The following PTPN4 variants were observed in gnomAD, a reference collection of about 807,000 sequenced individuals.
PTPN4 encodes the protein tyrosine-protein phosphatase non-receptor type 4.
A neutral mutation model predicts 135.5 loss-of-function variants in PTPN4; 49 were observed. The ratio of observed to expected loss-of-function variants is 0.36; its 90% CI spans 0.29 to 0.46. PTPN4 has a LOEUF of 0.46. Among genes scored for constraint, PTPN4 ranks in the 20% least tolerant of loss-of-function variants. The pLI is 1.00. For synonymous variants in PTPN4, 333 were observed against 369.9 expected, an observed-to-expected ratio of 0.90 and a Z score of 1.14; for missense variants, 860 against 1,101.0, an observed-to-expected ratio of 0.78 and a Z score of 3.10.
In PTPN4 at chr2:119,945,181, G is replaced by A. The variant is rs1263003828; in HGVS notation, c.1456G>A (p.Asp486Asn). The A allele has an allele frequency of 6.3e-7, 1 of 1,593,918 alleles. No individual in the cohort carries two copies. The highest frequency in any genetic ancestry group is 2.3e-5 in the East Asian group (1 of 43,332). ...AATTCATTATTCACATTCGCAACAA[G>A]ATCTAGAAAGTCATATTAATGAAAC... Reference protein sequence around the residue: ...NQIHYSHSQQDLESHINETFD... With the variant: ...NQIHYSHSQQNLESHINETFD... The change falls in exon 16 of 27, where the codon GAT becomes AAT. Residue 486 changes from aspartate to asparagine, a missense_variant. Physicochemically the swap from Asp to Asn is conservative, Grantham distance 23. This residue lies in a region of PTPN4 where 684 missense variants were observed against 807.0 expected (regional missense o/e 0.85). Transcript: ENST00000263708.
At chr2:119,967,380 T>C (rs1356430782) in intron 25 of PTPN4, among the ~76,000 whole-genome samples, 1 of 149,370 alleles carries the variant, frequency 6.7e-6, no homozygotes, top group Non-Finnish European at 1.5e-5. Context: ...GCCCAGGAAG[T>C]AGAGGTTGCA....
At chr2:119,828,523 C>G (rs1469007025) in intron 2 of PTPN4, among the ~76,000 whole-genome samples, 1 of 152,162 alleles carries the variant, frequency 6.6e-6, no homozygotes, top group Non-Finnish European at 1.5e-5. Flanking sequence ...AACAGTCTTA[C>G]AATACATATA....
intron 9 of PTPN4, among the ~76,000 whole-genome samples, chr2:119,889,968 T>C (rs1678217834): frequency 6.6e-6 from 1 of 152,240 alleles, no homozygotes; most frequent in African/African-American, 2.4e-5. Flanking sequence ...TTCCATGTGC[T>C]TATGAAAATA....
At chr2:119,957,139 G>T in intron 22 of PTPN4, 62 bp downstream of exon 22, 1 of 1,437,838 alleles carries the variant, frequency 7.0e-7, no homozygotes, top group Non-Finnish European at 9.5e-7. Flanking sequence ...TGAACTTTGA[G>T]GTTCTTTTTG....
intron 15 of PTPN4, among the ~76,000 whole-genome samples, chr2:119,940,911 T>A (rs1679052895): frequency 6.6e-6 from 1 of 152,230 alleles, no homozygotes; most frequent in Non-Finnish European, 1.5e-5. Context: ...CATTTTTTTC[T>A]CACTTTCCCT....
At chr2:119,833,516 G>T (rs1242806900) in intron 2 of PTPN4, among the ~76,000 whole-genome samples, 1 of 152,072 alleles carries the variant, frequency 6.6e-6, no homozygotes, top group Non-Finnish European at 1.5e-5. Flanking sequence ...AAGTTTTAAA[G>T]GGATATAATT....
intron 1 of PTPN4, among the ~76,000 whole-genome samples, chr2:119,789,292 G>A (rs1691098427): frequency 6.6e-6 from 1 of 152,030 alleles, no homozygotes; most frequent in African/African-American, 2.4e-5. Context: ...TTTTGGTTGA[G>A]TTATAGAAGT....
chr2:119,772,218 G>A (rs114252480), intron 1 of PTPN4, among the ~76,000 whole-genome samples: 2,564 of 152,272 alleles, frequency 0.017, 41 homozygotes, highest in Non-Finnish European at 0.027. Flanking sequence ...ACTACAAGAA[G>A]CTGCTAGGGA....
intron 1 of PTPN4, among the ~76,000 whole-genome samples, chr2:119,764,126 CT>C (rs1182526847): frequency 6.6e-6 from 1 of 152,188 alleles, no homozygotes; most frequent in African/African-American, 2.4e-5. Context: ...CTAAAGATTT[CT>C]GTTTAGTCAG....
At chr2:119,909,482 G>A (rs536678420) in intron 10 of PTPN4, among the ~76,000 whole-genome samples, 30 of 152,270 alleles carry the variant, frequency 2.0e-4, no homozygotes, top group Admixed American at 5.9e-4. Context: ...ACTGCCCATT[G>A]ACAATGAATG....
chr2:119,872,823 C>T (rs1378934643), intron 3 of PTPN4, among the ~76,000 whole-genome samples: 1 of 152,098 alleles, frequency 6.6e-6, no homozygotes, highest in African/African-American at 2.4e-5. Context: ...AAAAAGTATA[C>T]ATCTAAAACT....
intron 1 of PTPN4, among the ~76,000 whole-genome samples, chr2:119,764,124 T>C (rs1160853666): frequency 6.6e-6 from 1 of 152,234 alleles, no homozygotes; most frequent in Non-Finnish European, 1.5e-5. Flanking sequence ...ACCTAAAGAT[T>C]TCTGTTTAGT....
At chr2:119,787,193 T>C (rs1266725885) in intron 1 of PTPN4, among the ~76,000 whole-genome samples, 1 of 152,184 alleles carries the variant, frequency 6.6e-6, no homozygotes, top group African/African-American at 2.4e-5. Context: ...CTCAAAGGGA[T>C]TACCAGTATC....
At chr2:119,762,314 C>T (rs1023372396) in intron 1 of PTPN4, among the ~76,000 whole-genome samples, 1 of 150,966 alleles carries the variant, frequency 6.6e-6, no homozygotes, top group Non-Finnish European at 1.5e-5. Flanking sequence ...ATACAATTTA[C>T]GTGAGATGGT....
intron 26 of PTPN4, among the ~76,000 whole-genome samples, chr2:119,976,565 A>C (rs1276562413): frequency 6.6e-6 from 1 of 152,108 alleles, no homozygotes; most frequent in Non-Finnish European, 1.5e-5. Flanking sequence ...ATGGCAATTA[A>C]ATTGTTTCCA....
chr2:119,921,438 G>A (rs1044209632), intron 12 of PTPN4, among the ~76,000 whole-genome samples: 5 of 151,930 alleles, frequency 3.3e-5, no homozygotes, highest in East Asian at 1.9e-4. Context: ...TGTAATCTCC[G>A]TAAAAATAAC....
chr2:119,974,937 C>T (rs1206307615), intron 26 of PTPN4, among the ~76,000 whole-genome samples: 1 of 152,148 alleles, frequency 6.6e-6, no homozygotes, highest in Non-Finnish European at 1.5e-5. Flanking sequence ...CAATGAAAGA[C>T]TTAGAATATC....
At chr2:119,919,823 CAAAAAAAAAAAA>C (rs768606079) in intron 11 of PTPN4, among the ~76,000 whole-genome samples, 2 of 64,760 alleles carry the variant, frequency 3.1e-5, no homozygotes, top group Non-Finnish European at 6.6e-5. Flanking sequence ...GACTGTGTCT[CAAAAAAAAAAAA>C]AAAAAAAAAG....
intron 2 of PTPN4, among the ~76,000 whole-genome samples, chr2:119,844,263 G>A (rs1167012413): frequency 7.4e-6 from 1 of 135,548 alleles, no homozygotes; most frequent in East Asian, 2.3e-4. Context: ...AGACGGGGCG[G>A]CTGGCCGGGC....
Sources: gnomAD v4.1 joint callset for allele counts (sites outside exome capture counted in the v4.1 genomes callset) on GRCh38, gnomAD v4.1.1 for gene constraint, gnomAD v4.1.1 regional missense constraint, MANE v1.5 for transcripts, NCBI Gene and HGNC (gene_info 2026-07-23, HGNC 2026-07-21) for gene names.